ADAMTS6: variants seen among roughly 807,000 people sequenced by gnomAD.
ADAMTS6 encodes A disintegrin and metalloproteinase with thrombospondin motifs 6.
ADAMTS6 carries 23 observed loss-of-function variants against 144.3 expected under a neutral mutation model. That is an observed-to-expected ratio of 0.16 (90% CI 0.11 to 0.23). The LOEUF (loss-of-function observed/expected upper bound fraction) is 0.23. Ranked by LOEUF, ADAMTS6 falls within the 10% of genes least tolerant of loss-of-function variation. The pLI is 1.00. For missense variants in ADAMTS6, 999 were observed against 1,379.6 expected, an observed-to-expected ratio of 0.72 and a Z score of 4.37; for synonymous variants, 444 against 457.5, an observed-to-expected ratio of 0.97 and a Z score of 0.38.
chr5:65,297,170 G>T, intron 10 of ADAMTS6: 1 of 454,024 alleles, frequency 2.2e-6, no homozygotes, highest in South Asian at 1.6e-5. Flanking sequence ...AACGGAAATG[G>T]GTTCTTTATT....
At chr5:65,374,930 G>C (rs1751369485) in intron 7 of ADAMTS6, among the ~76,000 whole-genome samples, 1 of 152,080 alleles carries the variant, frequency 6.6e-6, no homozygotes, top group Non-Finnish European at 1.5e-5. Context: ...CAATGGAACA[G>C]AACAGAGCCC....
intron 14 of ADAMTS6, among the ~76,000 whole-genome samples, chr5:65,254,397 A>C (rs746680060): frequency 3.3e-5 from 5 of 152,208 alleles, no homozygotes; most frequent in Non-Finnish European, 7.3e-5. Context: ...AATTCTAATA[A>C]AATGCTAGCA....
chr5:65,154,725 G>A (rs1312854573), intron 24 of ADAMTS6, among the ~76,000 whole-genome samples: 1 of 152,192 alleles, frequency 6.6e-6, no homozygotes, highest in Non-Finnish European at 1.5e-5. Flanking sequence ...TACAGATAAT[G>A]CATGTGCCAT....
At chr5:65,182,141 A>G (rs1365785284) in intron 22 of ADAMTS6, among the ~76,000 whole-genome samples, 1 of 152,148 alleles carries the variant, frequency 6.6e-6, no homozygotes, top group African/African-American at 2.4e-5. Flanking sequence ...CAAACCAGAT[A>G]TGACTGATAA....
At chr5:65,326,122 T>C (rs1486053499) in intron 9 of ADAMTS6, among the ~76,000 whole-genome samples, 1 of 152,128 alleles carries the variant, frequency 6.6e-6, no homozygotes, top group Non-Finnish European at 1.5e-5. Context: ...TTAAGACCCC[T>C]TGTTAAGATT....
chr5:65,300,169 A>C (rs756568184), intron 9 of ADAMTS6, 38 bp from the exon 10 acceptor site: 18 of 1,587,640 alleles, frequency 1.1e-5, no homozygotes, highest in Non-Finnish European at 1.5e-5. Context: ...TAAATAAATA[A>C]GAAAAAAACC....
chr5:65,228,160 T>G (rs900466147), intron 15 of ADAMTS6, among the ~76,000 whole-genome samples: 2 of 152,200 alleles, frequency 1.3e-5, no homozygotes, highest in African/African-American at 2.4e-5. Context: ...TACTGGAAAT[T>G]TTTTCATTAT....
intron 10 of ADAMTS6, among the ~76,000 whole-genome samples, chr5:65,295,608 T>C (rs1037715124): frequency 6.6e-6 from 1 of 152,060 alleles, no homozygotes; most frequent in Non-Finnish European, 1.5e-5. Context: ...AAATTGTACA[T>C]ATAAAAAGTA....
intron 9 of ADAMTS6, among the ~76,000 whole-genome samples, chr5:65,320,176 A>G (rs1745470933): frequency 6.6e-6 from 1 of 152,184 alleles, no homozygotes; most frequent in Non-Finnish European, 1.5e-5. Flanking sequence ...AGAACAATAA[A>G]ATCAATAAAC....
chr5:65,208,215 G>C (rs886108979), intron 20 of ADAMTS6, among the ~76,000 whole-genome samples: 1 of 152,126 alleles, frequency 6.6e-6, no homozygotes, highest in Non-Finnish European at 1.5e-5. Context: ...ATTTTTTGAA[G>C]ACTAAAACTT....
intron 9 of ADAMTS6, among the ~76,000 whole-genome samples, chr5:65,323,557 G>C (rs1386595939): frequency 6.6e-6 from 1 of 151,922 alleles, no homozygotes; most frequent in African/African-American, 2.4e-5. Flanking sequence ...TTGCTATTGT[G>C]AATAATGCCG....
At chr5:65,280,577 A>T (rs1354185003) in intron 11 of ADAMTS6, among the ~76,000 whole-genome samples, 1 of 152,196 alleles carries the variant, frequency 6.6e-6, no homozygotes. Context: ...ACTAGGAAAC[A>T]TTCACACATG....
chr5:65,450,015 T>C (rs574656064), intron 7 of ADAMTS6, among the ~76,000 whole-genome samples: 1 of 152,354 alleles, frequency 6.6e-6, no homozygotes, highest in East Asian at 1.9e-4. Flanking sequence ...ATGATCGTTT[T>C]GTTAGCTATA....
At chr5:65,199,889 G>A (rs112341939) in intron 20 of ADAMTS6, among the ~76,000 whole-genome samples, 126 of 152,106 alleles carry the variant, frequency 8.3e-4, no homozygotes, top group African/African-American at 2.9e-3. Context: ...CTTAAAAACT[G>A]GGAATCAAGA....
intron 7 of ADAMTS6, among the ~76,000 whole-genome samples, chr5:65,381,136 T>C (rs1016131276): frequency 1.3e-5 from 2 of 152,310 alleles, no homozygotes; most frequent in East Asian, 1.9e-4. Context: ...TCAAAAACAA[T>C]CTAATGAGGC....
At chr5:65,338,253 T>C (rs150504097) in intron 7 of ADAMTS6, among the ~76,000 whole-genome samples, 478 of 152,372 alleles carry the variant, frequency 3.1e-3, no homozygotes, top group African/African-American at 0.011. Context: ...ATAGGGAATC[T>C]ACATAAAGCC....
chr5:65,187,530 T>A (rs1579995116), intron 22 of ADAMTS6, among the ~76,000 whole-genome samples: 1 of 152,178 alleles, frequency 6.6e-6, no homozygotes. Context: ...TAACAATTCA[T>A]ACCTAAGAGT....
intron 10 of ADAMTS6, among the ~76,000 whole-genome samples, 168 bp downstream of exon 10, chr5:65,299,816 GA>G (rs3832321): frequency 0.51 from 76,897 of 151,168 alleles, 19,558 homozygotes; most frequent in Admixed American, 0.53. Context: ...TCTATATGAA[GA>G]AAAAAAAATT....
At chr5:65,277,712 G>A (rs1013885193) in intron 11 of ADAMTS6, among the ~76,000 whole-genome samples, 1 of 152,060 alleles carries the variant, frequency 6.6e-6, no homozygotes, top group Non-Finnish European at 1.5e-5. Flanking sequence ...TTTGCAAAAT[G>A]TTCCTTTCTG....
Sources: gnomAD v4.1 joint callset for allele counts (sites outside exome capture counted in the v4.1 genomes callset) on GRCh38, gnomAD v4.1.1 for gene constraint, MANE v1.5 for transcripts, NCBI Gene and HGNC (gene_info 2026-07-23, HGNC 2026-07-21) for gene names.